RANBP17: variants seen among roughly 807,000 people sequenced by gnomAD.
RANBP17 encodes the protein ran-binding protein 17.
In RANBP17, 158 loss-of-function variants were observed where a neutral mutation model predicts 141.2. The ratio of observed to expected loss-of-function variants is 1.12; its 90% CI spans 0.98 to 1.28. The LOEUF (loss-of-function observed/expected upper bound fraction) is 1.28. RANBP17 is among the 50% of genes most tolerant of loss of function. The probability of loss-of-function intolerance (pLI) is 0.00; values close to 1 mark genes in which losing one functional copy is unlikely to be tolerated. For missense variants in RANBP17, 1,438 were observed against 1,290.7 expected (o/e 1.11, Z -1.75); for synonymous variants, 430 against 450.0 (o/e 0.96, Z 0.56).
At chr5:171,180,851 T>G (rs570344903) in intron 16 of RANBP17, among the ~76,000 whole-genome samples, 2 of 152,334 alleles carry the variant, frequency 1.3e-5, no homozygotes, top group Non-Finnish European at 2.9e-5. Flanking sequence ...AGATTCTTCC[T>G]GTGAATGTTC....
intron 14 of RANBP17, among the ~76,000 whole-genome samples, chr5:171,060,669 T>C (rs978894984): frequency 6.6e-6 from 1 of 152,144 alleles, no homozygotes; most frequent in African/African-American, 2.4e-5. Flanking sequence ...AGGATGATGC[T>C]GGCCTCATAA....
chr5:171,016,410 A>G (rs182961930), intron 14 of RANBP17, among the ~76,000 whole-genome samples: 29 of 152,148 alleles, frequency 1.9e-4, no homozygotes, highest in African/African-American at 6.7e-4. Context: ...TTTTGCCTGT[A>G]ATCTGTAGTT....
At position 171,221,834 on chromosome 5, in the gene RANBP17, A is replaced by G. The variant is rs138090066; in HGVS notation, c.2416A>G (p.Thr806Ala). 11 of 1,583,944 alleles carry G rather than the reference A, an allele frequency of 6.9e-6. No homozygotes were observed. The highest frequency in any genetic ancestry group is 4.0e-5 in the African/African-American group (3 of 74,228). The change falls in exon 22 of 28, where the codon ACT becomes GCT. Residue 806 changes from threonine to alanine, a missense_variant. Thr to Ala is a moderately conservative substitution (Grantham distance 58). Transcript: ENST00000523189. ...CAGAGAAGCTAGTAAAATGGTTTGC[A>G]CTTATGGTGAGTGTCCTTTTCCATA... is the stretch of plus-strand genomic sequence containing the variant. The part of the protein sequence containing the change: ...LFREASKMVC[T>A]YGNQILSLGS...
chr5:170,954,941 A>C (rs796686341), intron 13 of RANBP17, among the ~76,000 whole-genome samples: 7 of 152,300 alleles, frequency 4.6e-5, no homozygotes, highest in African/African-American at 1.7e-4. Flanking sequence ...GCTGCAGGTG[A>C]GCAAGGATTA....
intron 3 of RANBP17, among the ~76,000 whole-genome samples, chr5:170,889,545 AAGAC>A (rs1318217381): frequency 1.3e-5 from 2 of 152,160 alleles, no homozygotes; most frequent in African/African-American, 4.8e-5. Flanking sequence ...TTTGGCCTAT[AAGAC>A]AGAATAATAG....
At chr5:170,925,152 G>A (rs765931923) in intron 12 of RANBP17, among the ~76,000 whole-genome samples, 27 of 152,096 alleles carry the variant, frequency 1.8e-4, no homozygotes, top group Non-Finnish European at 3.7e-4. Flanking sequence ...GCACTTTATA[G>A]TTCTGAAGTT....
intron 21 of RANBP17, among the ~76,000 whole-genome samples, chr5:171,219,086 G>A (rs1204542006): frequency 1.3e-5 from 2 of 152,110 alleles, no homozygotes; most frequent in African/African-American, 2.4e-5. Context: ...GGCAGACCTG[G>A]TGGTGACAAA....
chr5:171,034,705 G>A (rs1043471484), intron 14 of RANBP17, among the ~76,000 whole-genome samples: 4 of 152,230 alleles, frequency 2.6e-5, no homozygotes, highest in Non-Finnish European at 5.9e-5. Flanking sequence ...ATAATAGTGA[G>A]AGGCAAAGTT....
intron 24 of RANBP17, among the ~76,000 whole-genome samples, chr5:171,263,832 G>A (rs1766498120): frequency 6.6e-6 from 1 of 152,170 alleles, no homozygotes; most frequent in Non-Finnish European, 1.5e-5. Context: ...GGAGGCTGAG[G>A]CTGGCAGATC....
At chr5:170,999,330 A>G (rs930775560) in intron 14 of RANBP17, among the ~76,000 whole-genome samples, 2 of 152,106 alleles carry the variant, frequency 1.3e-5, no homozygotes, top group African/African-American at 4.8e-5. Context: ...CTAGTTTTTC[A>G]ATTGGTATAA....
chr5:170,909,753 T>G lies in RANBP17; in HGVS notation c.582T>G (p.Ser194=). 1 of 1,520,356 alleles carries G rather than the reference T, an allele frequency of 6.6e-7. No homozygotes were observed. The highest frequency in any genetic ancestry group is 9.1e-7 in the Non-Finnish European group (1 of 1,097,198). 94.2% of individuals were successfully genotyped at this position (1,520,356 alleles called of 1,614,324 possible). A position where few individuals can be genotyped will look rare whatever the true frequency, so the allele number is the denominator to read the frequency against. Residue 194 remains serine, a synonymous_variant, in exon 6 of 28, where the codon TCT becomes TCG. Transcript: ENST00000523189. ...SLKDVLVLAC[S]LLKEVFAKPL... ...AAGACGTTTTAGTGCTAGCATGCTC[T>G]CTTTTAAAAGAGGTAAGTTATTTGA...
At chr5:171,175,562 A>G (rs1033363684) in intron 16 of RANBP17, among the ~76,000 whole-genome samples, 6 of 152,182 alleles carry the variant, frequency 3.9e-5, no homozygotes, top group African/African-American at 1.4e-4. Context: ...TCCAGAATCT[A>G]CAAGGAACTT....
At chr5:170,978,552 A>C (rs943496527) in intron 14 of RANBP17, among the ~76,000 whole-genome samples, 1 of 152,196 alleles carries the variant, frequency 6.6e-6, no homozygotes, top group African/African-American at 2.4e-5. Flanking sequence ...AATTTGGATG[A>C]ATTTATGATG....
At chr5:170,970,199 A>T (rs1441807223) in intron 14 of RANBP17, among the ~76,000 whole-genome samples, 2 of 151,846 alleles carry the variant, frequency 1.3e-5, no homozygotes, top group Non-Finnish European at 2.9e-5. Flanking sequence ...GCAACCAACT[A>T]CGTAAGGAAG....
At chr5:171,039,825 A>G (rs1160688558) in intron 14 of RANBP17, among the ~76,000 whole-genome samples, 3 of 152,140 alleles carry the variant, frequency 2.0e-5, no homozygotes, top group African/African-American at 7.2e-5. Flanking sequence ...TTGAATCAGG[A>G]AGAAATTGAA....
At chr5:171,261,440 G>A (rs927124199) in intron 24 of RANBP17, among the ~76,000 whole-genome samples, 2 of 152,104 alleles carry the variant, frequency 1.3e-5, no homozygotes, top group African/African-American at 2.4e-5. Flanking sequence ...ATTCTCCTTT[G>A]TGTTGTGGTG....
At chr5:171,099,134 T>C (rs1009330572) in intron 14 of RANBP17, among the ~76,000 whole-genome samples, 1 of 152,332 alleles carries the variant, frequency 6.6e-6, no homozygotes, top group East Asian at 1.9e-4. Context: ...AAGTAGTTGT[T>C]TCCTAATTCT....
chr5:171,201,456 A>T (rs549916612), intron 19 of RANBP17, among the ~76,000 whole-genome samples: 1 of 152,238 alleles, frequency 6.6e-6, no homozygotes, highest in African/African-American at 2.4e-5. Context: ...TGCAGCTGCC[A>T]CGAACCAAGG....
Position 170,903,478 on chromosome 5 carries a change from C to A in RANBP17, c.490-6183C>A, listed in dbSNP as rs559290796. The A allele has an allele frequency of 1.3e-4, 21 of 166,556 alleles. No individual in the cohort carries two copies. In the South Asian group the frequency reaches 3.5e-3, roughly 27 times the overall value. The allele number at this position is 166,556 out of a possible 1,614,324, so 10.3% of individuals were successfully genotyped here. A position where few individuals can be genotyped will look rare whatever the true frequency, so the allele number is the denominator to read the frequency against. The stretch of plus-strand genomic sequence containing the variant: ...TTGGCTCCCTGGCTTAGCCCCCTTT[C>A]CAGGGGAGTGAACGCTTACGTCTTG... On this transcript the variant is annotated intron_variant, in intron 5 of 27. Coordinates refer to ENST00000523189, the MANE Select transcript of RANBP17 (RefSeq NM_022897.5).
Sources: gnomAD v4.1 joint callset for allele counts (sites outside exome capture counted in the v4.1 genomes callset) on GRCh38, gnomAD v4.1.1 for gene constraint, MANE v1.5 for transcripts, NCBI Gene and HGNC (gene_info 2026-07-23, HGNC 2026-07-21) for gene names.